The following COLQ variants were observed in gnomAD, a reference collection of about 807,000 sequenced individuals.
COLQ encodes the protein acetylcholinesterase collagenic tail peptide.
A neutral mutation model predicts 69.0 loss-of-function variants in COLQ; 48 were observed. That is an observed-to-expected ratio of 0.70 (90% CI 0.55 to 0.88). COLQ has a LOEUF of 0.88. COLQ is among the 40% of genes least tolerant of loss of function. The pLI is 0.00. For synonymous variants in COLQ, 217 were observed against 211.2 expected, an observed-to-expected ratio of 1.03 and a Z score of -0.24; for missense variants, 618 against 594.6, an observed-to-expected ratio of 1.04 and a Z score of -0.41.
At chr3:15,502,316 T>C (rs1251491270) in intron 1 of COLQ, among the ~76,000 whole-genome samples, 1 of 151,972 alleles carries the variant, frequency 6.6e-6, no homozygotes, top group Non-Finnish European at 1.5e-5. Context: ...GGGGTTTCAC[T>C]GTGTTGGCCA....
intron 1 of COLQ, among the ~76,000 whole-genome samples, chr3:15,501,608 G>GTT (rs1395894899): frequency 6.6e-6 from 1 of 152,218 alleles, no homozygotes; most frequent in Non-Finnish European, 1.5e-5. Context: ...CCTCGGCCAA[G>GTT]CTTTGGTCAG....
At chr3:15,471,279 G>C (rs190642269) in intron 10 of COLQ, among the ~76,000 whole-genome samples, 1 of 152,154 alleles carries the variant, frequency 6.6e-6, no homozygotes, top group Admixed American at 6.5e-5. Flanking sequence ...AAAAGGCATG[G>C]AGAACAATGG....
At chr3:15,495,560 GA>G (rs1409128250) in intron 1 of COLQ, among the ~76,000 whole-genome samples, 4 of 152,306 alleles carry the variant, frequency 2.6e-5, no homozygotes, top group African/African-American at 7.2e-5. Flanking sequence ...GTTCAGTTGT[GA>G]TTATCAAGTG....
intron 10 of COLQ, among the ~76,000 whole-genome samples, chr3:15,472,952 T>C (rs2062314761): frequency 6.6e-6 from 1 of 151,374 alleles, no homozygotes; most frequent in Non-Finnish European, 1.5e-5. Flanking sequence ...CTCAATCACC[T>C]GGGCTCAAGC....
chr3:15,487,347 G>C (rs1157322801), intron 3 of COLQ, among the ~76,000 whole-genome samples: 1 of 152,206 alleles, frequency 6.6e-6, no homozygotes, highest in African/African-American at 2.4e-5. Flanking sequence ...TGGAGTGTTT[G>C]AGAACCCGAG....
intron 12 of COLQ, among the ~76,000 whole-genome samples, chr3:15,466,084 A>G (rs2062195439): frequency 6.6e-6 from 1 of 152,256 alleles, no homozygotes; most frequent in African/African-American, 2.4e-5. Flanking sequence ...CTTAAGGTAT[A>G]AATGACATCA....
intron 1 of COLQ, among the ~76,000 whole-genome samples, chr3:15,518,186 T>G (rs1193213387): frequency 6.6e-6 from 1 of 152,204 alleles, no homozygotes; most frequent in Non-Finnish European, 1.5e-5. Context: ...CCTCAGGTGA[T>G]CCACCCACCT....
intron 12 of COLQ, 81 bp from the exon 13 acceptor site, chr3:15,458,406 A>C (rs966265886): frequency 2.5e-5 from 38 of 1,527,536 alleles, no homozygotes; most frequent in Non-Finnish European, 3.4e-5. Context: ...CGACCTTTGC[A>C]ACAGAAAAAA....
chr3:15,477,554 T>C (rs1403549788), intron 5 of COLQ: 1 of 284,396 alleles, frequency 3.5e-6, no homozygotes, highest in African/African-American at 2.2e-5. Context: ...TGGGGAGCAG[T>C]AGCAGATGCT....
At chr3:15,452,087 GAC>G (rs2061951872) in intron 16 of COLQ, among the ~76,000 whole-genome samples, 1 of 139,688 alleles carries the variant, frequency 7.2e-6, no homozygotes, top group Non-Finnish European at 1.6e-5. Context: ...TTTTTTTTGA[GAC>G]AGAGTTTCGC....
At chr3:15,453,960 G>C in intron 15 of COLQ, 29 bp from the exon 16 acceptor site, 2 of 1,518,030 alleles carry the variant, frequency 1.3e-6, no homozygotes, top group Non-Finnish European at 1.8e-6. Flanking sequence ...GTGCAGTCTT[G>C]AGAAGGAGCA....
At chr3:15,509,850 T>G (rs750713328) in intron 1 of COLQ, among the ~76,000 whole-genome samples, 1 of 152,196 alleles carries the variant, frequency 6.6e-6, no homozygotes, top group African/African-American at 2.4e-5. Context: ...AGAGTCTCAG[T>G]TCTGAAACTG....
chr3:15,488,357 G>A (rs1473864043), intron 2 of COLQ, 50 bp from the exon 3 acceptor site: 9 of 1,504,226 alleles, frequency 6.0e-6, no homozygotes, highest in Non-Finnish European at 7.4e-6. Flanking sequence ...GGGGACAGAG[G>A]AAGGGTCACC....
chr3:15,486,483 A>G (rs78574298), intron 3 of COLQ, among the ~76,000 whole-genome samples: 5,488 of 152,250 alleles, frequency 0.036, 155 homozygotes, highest in Admixed American at 0.087. Context: ...ACATGCTTCA[A>G]AGGGGATTGC....
At chr3:15,506,307 A>C (rs889384041) in intron 1 of COLQ, among the ~76,000 whole-genome samples, 1 of 152,230 alleles carries the variant, frequency 6.6e-6, no homozygotes, top group African/African-American at 2.4e-5. Context: ...TCCAGATGAA[A>C]GGTAGTATTT....
chr3:15,465,679 C>T (rs1381036737), intron 12 of COLQ, among the ~76,000 whole-genome samples: 3 of 145,474 alleles, frequency 2.1e-5, no homozygotes, highest in Admixed American at 1.4e-4. Context: ...CTGCAACCTC[C>T]GCCTCCCAGG....
In COLQ at chr3:15,521,396, C is replaced by T. The variant is rs2063135622; in HGVS notation, c.106+124G>A. On this transcript the variant is annotated intron_variant, in intron 1 of 16. Coordinates refer to ENST00000383788, the MANE Select transcript of COLQ (RefSeq NM_005677.4). Reference sequence around the variant, plus strand: ...AGGAAGCTGCTGGGGTGGCCGTCTTCCTTCCAACCTCCCTCCACCAACAGT... The same window carrying T: ...AGGAAGCTGCTGGGGTGGCCGTCTTTCTTCCAACCTCCCTCCACCAACAGT... The T allele has an allele frequency of 3.8e-6, 5 of 1,333,248 alleles. No homozygotes were observed. In the East Asian group the frequency reaches 1.3e-4, roughly 33 times the overall value. 82.6% of individuals were successfully genotyped at this position (1,333,248 alleles called of 1,614,324 possible). A position where few individuals can be genotyped will look rare whatever the true frequency, so the allele number is the denominator to read the frequency against.
chr3:15,486,045 G>A (rs1351947798), intron 3 of COLQ, among the ~76,000 whole-genome samples: 1 of 152,196 alleles, frequency 6.6e-6, no homozygotes, highest in South Asian at 2.1e-4. Flanking sequence ...CTCCCCCAGG[G>A]AATCGTAATG....
chr3:15,464,662 A>G (rs1202433211), intron 12 of COLQ, among the ~76,000 whole-genome samples: 1 of 152,248 alleles, frequency 6.6e-6, no homozygotes, highest in African/African-American at 2.4e-5. Flanking sequence ...AGGAGGGGGA[A>G]TACACTGTGG....
Sources: allele counts gnomAD v4.1 joint callset (sites outside exome capture counted in the v4.1 genomes callset), GRCh38; gene constraint gnomAD v4.1.1; transcripts MANE v1.5; gene names NCBI Gene and HGNC (gene_info 2026-07-23, HGNC 2026-07-21).